The following LCA5 variants were observed in gnomAD, a reference collection of about 807,000 sequenced individuals.
The protein encoded by LCA5 is lebercilin.
LCA5 carries 37 observed loss-of-function variants against 53.0 expected under a neutral mutation model. The observed-to-expected ratio is 0.70, with a 90% CI of 0.54 to 0.92. The LOEUF (loss-of-function observed/expected upper bound fraction) is 0.92. Among genes scored for constraint, LCA5 ranks in the 40% least tolerant of loss-of-function variants. The probability of loss-of-function intolerance (pLI) is 0.00; values close to 1 mark genes in which losing one functional copy is unlikely to be tolerated. For missense variants in LCA5, 806 were observed against 790.5 expected (o/e 1.02, Z -0.23); for synonymous variants, 303 against 282.9 (o/e 1.07, Z -0.71).
intron 3 of LCA5, among the ~76,000 whole-genome samples, chr6:79,509,800 C>T (rs2127677676): frequency 6.6e-6 from 1 of 152,160 alleles, no homozygotes; most frequent in South Asian, 2.1e-4. Context: ...AAATCTAAAA[C>T]ATATACAGAT....
chr6:79,518,882 C>T lies in LCA5; in HGVS notation c.13G>A (p.Ala5Thr), dbSNP rs1472592808. MGER[A>T]GSPGTDQERK... ...TCTTGATCAGTACCTGGACTTCCTG[C>T]TCTTTCCCCCATTGTTTTGAAAAAT... is the stretch of plus-strand genomic sequence containing the variant. The change falls in exon 2 of 8, where the codon GCA (alanine) becomes ACA (threonine). Residue 5 changes from alanine (A) to threonine (T), a missense_variant. Coordinates refer to ENST00000369846, the MANE Select transcript of LCA5 (RefSeq NM_001122769.3). 1 of 1,614,144 alleles carries T rather than the reference C, an allele frequency of 6.2e-7. No individual in the cohort carries two copies. The highest frequency in any genetic ancestry group is 8.5e-7 in the Non-Finnish European group (1 of 1,179,984).
At chr6:79,522,763 T>G (rs1582649496) in intron 1 of LCA5, among the ~76,000 whole-genome samples, 1 of 152,154 alleles carries the variant, frequency 6.6e-6, no homozygotes. Flanking sequence ...CATGGCTTAC[T>G]GCAACCTTGA....
intron 3 of LCA5, among the ~76,000 whole-genome samples, chr6:79,508,226 C>T (rs1360194804): frequency 6.6e-6 from 1 of 152,174 alleles, no homozygotes; most frequent in East Asian, 1.9e-4. Flanking sequence ...ACAAGATAGG[C>T]TGTAATTTCT....
At chr6:79,530,703 T>G (rs1168694306) in intron 1 of LCA5, among the ~76,000 whole-genome samples, 1 of 152,090 alleles carries the variant, frequency 6.6e-6, no homozygotes, top group Non-Finnish European at 1.5e-5. Context: ...ATAACTTAAC[T>G]TTCCTAGAGA....
At chr6:79,527,364 A>C (rs563210294) in intron 1 of LCA5, among the ~76,000 whole-genome samples, 1 of 152,260 alleles carries the variant, frequency 6.6e-6, no homozygotes, top group South Asian at 2.1e-4. Flanking sequence ...AAAAAGCAGA[A>C]CGTCAAAATG....
At chr6:79,503,190 T>C (rs1770189805) in intron 3 of LCA5, among the ~76,000 whole-genome samples, 1 of 152,188 alleles carries the variant, frequency 6.6e-6, no homozygotes, top group African/African-American at 2.4e-5. Context: ...CCATGACCTA[T>C]CTGATTCTAT....
At chr6:79,516,689 T>C (rs979795716) in intron 2 of LCA5, among the ~76,000 whole-genome samples, 3 of 151,970 alleles carry the variant, frequency 2.0e-5, no homozygotes, top group Admixed American at 6.6e-5. Context: ...CATCAAGTGC[T>C]AATAAGAGTA....
intron 3 of LCA5, among the ~76,000 whole-genome samples, chr6:79,496,748 T>C (rs1056804523): frequency 3.9e-5 from 6 of 152,058 alleles, no homozygotes; most frequent in African/African-American, 1.2e-4. Context: ...TAAAAACAAA[T>C]GTGTAAGTTT....
chr6:79,524,637 G>A (rs1278745393), intron 1 of LCA5, among the ~76,000 whole-genome samples: 1 of 152,102 alleles, frequency 6.6e-6, no homozygotes, highest in East Asian at 1.9e-4. Flanking sequence ...TTAATGAACA[G>A]AAAGTAAATT....
chr6:79,491,463 G>T, intron 6 of LCA5, 125 bp downstream of exon 6: 4 of 985,988 alleles, frequency 4.1e-6, no homozygotes, highest in Non-Finnish European at 6.3e-6. Context: ...CCTTCAAAAA[G>T]GCTAGTCGCA....
Position 79,493,755 on chromosome 6 carries a change from A to G in LCA5, c.721-5T>C, listed in dbSNP as rs1286213523. 1 of 1,606,364 alleles carries G rather than the reference A, an allele frequency of 6.2e-7. No individual in the cohort carries two copies. Among genetic ancestry groups the G allele is most frequent in the African/African-American group, 1.3e-5 (1 of 74,706 alleles). ...TTCAAGGTTTTTCGATAGCTCCTAT[A>G]TGTATAAATACATAAAAAGCAGTCC... On this transcript the variant is annotated splice_region_variant and splice_polypyrimidine_tract_variant and intron_variant, in intron 3 of 7. Transcript: ENST00000369846.
chr6:79,497,484 A>G (rs966999869), intron 3 of LCA5, among the ~76,000 whole-genome samples: 2 of 152,240 alleles, frequency 1.3e-5, no homozygotes, highest in African/African-American at 4.8e-5. Context: ...AATGAAACAT[A>G]AGAGAAATAC....
intron 7 of LCA5, chr6:79,488,772 G>A (rs192508232): frequency 4.6e-6 from 2 of 430,822 alleles, no homozygotes; most frequent in African/African-American, 5.2e-5. Flanking sequence ...AAATATGTAA[G>A]AACACCACAA....
Position 79,518,937 on chromosome 6 carries a change from T to C in LCA5, c.-43A>G, listed in dbSNP as rs943122382. 1 of 1,588,662 alleles carries C rather than the reference T, an allele frequency of 6.3e-7. No homozygotes were observed. The highest frequency in any genetic ancestry group is 1.3e-5 in the African/African-American group (1 of 74,458). Reference sequence around the variant, plus strand: ...TCTATTCACATAATTTCACAGATTATTTTCTCCAGAGGAGACTATGACAAT... The same window carrying C: ...TCTATTCACATAATTTCACAGATTACTTTCTCCAGAGGAGACTATGACAAT... On this transcript the variant is annotated 5_prime_UTR_variant, in exon 2 of 8. Coordinates refer to ENST00000369846, the MANE Select transcript of LCA5 (RefSeq NM_001122769.3).
chr6:79,527,051 T>C (rs1285231957), intron 1 of LCA5, among the ~76,000 whole-genome samples: 3 of 152,188 alleles, frequency 2.0e-5, no homozygotes, highest in South Asian at 4.1e-4. Flanking sequence ...TTTCCACTTC[T>C]AGCCTGGTGA....
intron 6 of LCA5, among the ~76,000 whole-genome samples, chr6:79,490,941 A>G (rs373066915): frequency 6.6e-6 from 1 of 151,716 alleles, no homozygotes; most frequent in Admixed American, 6.6e-5. Context: ...TCCAACAGAG[A>G]CCCCTTGAAT....
At chr6:79,534,927 T>C (rs915179936) in intron 1 of LCA5, among the ~76,000 whole-genome samples, 7 of 152,176 alleles carry the variant, frequency 4.6e-5, no homozygotes, top group Non-Finnish European at 1.0e-4. Flanking sequence ...AATGTAGCTA[T>C]TCAGAATTGG....
At chr6:79,513,900 TC>T (rs1405547563) in intron 2 of LCA5, among the ~76,000 whole-genome samples, 159 bp from the exon 3 acceptor site, 6 of 152,166 alleles carry the variant, frequency 3.9e-5, no homozygotes, top group African/African-American at 1.2e-4. Flanking sequence ...TATTTAGAGC[TC>T]TAAATAGGTT....
chr6:79,503,634 C>T (rs1045403055), intron 3 of LCA5, among the ~76,000 whole-genome samples: 3 of 152,270 alleles, frequency 2.0e-5, no homozygotes, highest in East Asian at 1.9e-4. Flanking sequence ...CCAGTAAGTA[C>T]CAAGCGCTGA....
Sources: allele counts gnomAD v4.1 joint callset (sites outside exome capture counted in the v4.1 genomes callset), GRCh38; gene constraint gnomAD v4.1.1; transcripts MANE v1.5; gene names NCBI Gene and HGNC (gene_info 2026-07-23, HGNC 2026-07-21).